Variants in PARD3B observed in about 807,000 individuals in gnomAD.
PARD3B encodes the protein par-3 family cell polarity regulator beta, also known as partitioning defective 3 homolog B.
A neutral mutation model predicts 130.2 loss-of-function variants in PARD3B; 103 were observed. The observed-to-expected ratio is 0.79, with a 90% CI of 0.67 to 0.93. The LOEUF is 0.93. PARD3B is among the 40% of genes least tolerant of loss of function. The probability of loss-of-function intolerance (pLI) is 0.00; values close to 1 mark genes in which losing one functional copy is unlikely to be tolerated. For synonymous variants in PARD3B, 583 were observed against 553.2 expected, an observed-to-expected ratio of 1.05 and a Z score of -0.76; for missense variants, 1,609 against 1,499.2, an observed-to-expected ratio of 1.07 and a Z score of -1.21.
At chr2:205,097,530 A>C (rs2125555355) in intron 4 of PARD3B, among the ~76,000 whole-genome samples, 1 of 152,262 alleles carries the variant, frequency 6.6e-6, no homozygotes, top group East Asian at 1.9e-4. Flanking sequence ...TGTACTAGCT[A>C]CTTTAAGGCA....
chr2:205,440,488 G>T lies in PARD3B; in HGVS notation c.2860G>T (p.Ala954Ser). The change falls in exon 20 of 23, where the codon GCC becomes TCC. Residue 954 changes from alanine (A) to serine (S), a missense_variant. Physicochemically the swap from Ala to Ser is moderately conservative, Grantham distance 99. Transcript: ENST00000406610. The surrounding 1 kb of genome is among the most constrained non-coding windows in gnomAD (Gnocchi z 4.2). ...MDDDEMDPNY[A>S]RVNHFREPCT... ...TGATGATGAAATGGACCCCAATTAT[G>T]CCAGAGTGAACCACTTTCGGGAACC... The T allele has an allele frequency of 1.2e-6, 2 of 1,614,066 alleles. No homozygotes were observed. Among genetic ancestry groups the T allele is most frequent in the Non-Finnish European group, 1.7e-6 (2 of 1,179,976 alleles).
At chr2:205,509,150 A>G (rs1350321150) in intron 21 of PARD3B, among the ~76,000 whole-genome samples, 1 of 152,162 alleles carries the variant, frequency 6.6e-6, no homozygotes, top group African/African-American at 2.4e-5. Context: ...GCAGTCCCCA[A>G]CATAGAAATA....
chr2:204,731,505 A>G (rs991414000), intron 2 of PARD3B, among the ~76,000 whole-genome samples: 10 of 152,168 alleles, frequency 6.6e-5, no homozygotes, highest in Non-Finnish European at 1.3e-4. Flanking sequence ...CCCAAATTGT[A>G]CTTAGCTTAT....
intron 3 of PARD3B, among the ~76,000 whole-genome samples, chr2:204,979,639 T>C (rs1485697714): frequency 1.3e-5 from 2 of 152,180 alleles, no homozygotes; most frequent in Admixed American, 6.5e-5. Context: ...TTAACAGATA[T>C]GTATAAAGGT....
At chr2:205,009,593 C>T (rs541384819) in intron 3 of PARD3B, among the ~76,000 whole-genome samples, 18 of 151,496 alleles carry the variant, frequency 1.2e-4, no homozygotes, top group Non-Finnish European at 2.1e-4. Context: ...ATGGCGTGAA[C>T]CCGGGAGGCG....
intron 19 of PARD3B, among the ~76,000 whole-genome samples, chr2:205,408,415 G>A (rs2046482604): frequency 6.6e-6 from 1 of 152,026 alleles, no homozygotes; most frequent in Admixed American, 6.6e-5. Context: ...TATGTTACTG[G>A]AAATTGAAAT....
chr2:205,245,891 T>C, intron 16 of PARD3B, 69 bp downstream of exon 16: 1 of 1,335,630 alleles, frequency 7.5e-7, no homozygotes, highest in Non-Finnish European at 1.1e-6. Flanking sequence ...TAGTAGCAGT[T>C]GGAACCTGTT....
chr2:204,583,720 G>A (rs2032693338), intron 1 of PARD3B, among the ~76,000 whole-genome samples: 1 of 151,738 alleles, frequency 6.6e-6, no homozygotes. Flanking sequence ...ATCCCCTCGG[G>A]TTATTACATA....
At chr2:204,927,839 C>T (rs945703053) in intron 2 of PARD3B, among the ~76,000 whole-genome samples, 2 of 141,878 alleles carry the variant, frequency 1.4e-5, no homozygotes, top group African/African-American at 2.5e-5. Flanking sequence ...TAGGTAGGTA[C>T]GTAGGTAGGT....
Position 204,967,021 on chromosome 2 carries a change from C to T in PARD3B, c.394+1698C>T, listed in dbSNP as rs909766580. On this transcript the variant is annotated intron_variant, in intron 3 of 22. Coordinates refer to ENST00000406610, the MANE Select transcript of PARD3B (RefSeq NM_001302769.2). The surrounding 1 kb of genome is among the most constrained non-coding windows in gnomAD (Gnocchi z 4.4). ...GAGCCAGAATTTGAACTGTTGCTGG[C>T]TGTGGTGTGAGAAACCATTTTGCTG... 1.3e-5 allele frequency among the ~76,000 whole-genome samples: 2 copies of T among 152,208 alleles called. No homozygotes were observed. The highest frequency in any genetic ancestry group is 2.9e-5 in the Non-Finnish European group (2 of 68,044).
At chr2:204,868,690 G>C (rs1004091300) in intron 2 of PARD3B, among the ~76,000 whole-genome samples, 6 of 152,032 alleles carry the variant, frequency 3.9e-5, no homozygotes, top group Non-Finnish European at 7.4e-5. Context: ...TTTTACTGTC[G>C]TTGTCATAAA....
At chr2:205,171,036 TA>T (rs771572918) in intron 11 of PARD3B, among the ~76,000 whole-genome samples, 19 of 152,168 alleles carry the variant, frequency 1.2e-4, no homozygotes, top group Non-Finnish European at 2.6e-4. Context: ...TCCTTTTCTG[TA>T]AAATGTTTCT....
intron 1 of PARD3B, among the ~76,000 whole-genome samples, chr2:204,577,040 G>A (rs1405487716): frequency 6.6e-6 from 1 of 152,054 alleles, no homozygotes; most frequent in East Asian, 1.9e-4. Flanking sequence ...TTCTTGGGGG[G>A]GGATGGGATA....
At chr2:204,714,489 A>G (rs766878701) in intron 2 of PARD3B, among the ~76,000 whole-genome samples, 1 of 152,158 alleles carries the variant, frequency 6.6e-6, no homozygotes, top group African/African-American at 2.4e-5. Flanking sequence ...CTTTGCCTAC[A>G]TTAGTTTCAG....
At position 205,461,882 on chromosome 2, in the gene PARD3B, G is replaced by A. The variant is rs770220775; in HGVS notation, c.3044+21210G>A. 6.6e-6 allele frequency among the ~76,000 whole-genome samples: 1 copy of A among 152,116 alleles called. No individual in the cohort carries two copies. Among genetic ancestry groups the A allele is most frequent in the Non-Finnish European group, 1.5e-5 (1 of 68,026 alleles). On this transcript the variant is annotated intron_variant, in intron 20 of 22. Coordinates refer to ENST00000406610, the MANE Select transcript of PARD3B (RefSeq NM_001302769.2). This position sits in a 1 kb window ranked among gnomAD's most constrained non-coding sequence, Gnocchi z 4.3. ...TTCAGCAGTTTAATAGTCATCATCA[G>A]TTCCTTAACTGAAAGAGAAATGCTC... is the stretch of plus-strand genomic sequence containing the variant.
At chr2:205,367,520 C>T (rs1990667) in intron 18 of PARD3B, among the ~76,000 whole-genome samples, 133,199 of 152,218 alleles carry the variant, frequency 0.88, 58,447 homozygotes, top group Admixed American at 0.93. Context: ...ACACTAGGGA[C>T]TCCCATCTGT....
At chr2:205,081,210 A>T (rs1200838411) in intron 4 of PARD3B, among the ~76,000 whole-genome samples, 2 of 151,978 alleles carry the variant, frequency 1.3e-5, no homozygotes, top group Non-Finnish European at 2.9e-5. Context: ...TCATAAGCAT[A>T]TTCTTTCCTA....
chr2:205,272,539 A>T (rs900349246), intron 16 of PARD3B, among the ~76,000 whole-genome samples: 51 of 152,148 alleles, frequency 3.4e-4, no homozygotes, highest in African/African-American at 1.1e-3. Context: ...GGCTTAACTA[A>T]AAAAAGGGTT....
chr2:205,440,407 G>T lies in PARD3B; in HGVS notation c.2779G>T (p.Ala927Ser). The T allele has an allele frequency of 6.2e-7, 1 of 1,614,080 alleles. No individual in the cohort carries two copies. The highest frequency in any genetic ancestry group is 8.5e-7 in the Non-Finnish European group (1 of 1,179,960). Residue 927 changes from alanine to serine, a missense_variant, in exon 20 of 23, where the codon GCA becomes TCA. Transcript: ENST00000406610. This position sits in a 1 kb window ranked among gnomAD's most constrained non-coding sequence, Gnocchi z 4.2. Reference sequence around the variant, plus strand: ...ACATCAGGAGCTAAGGGAAAAGCAGGCAAGAGGTCTTCTTGATTATGCTAC... The same window carrying T: ...ACATCAGGAGCTAAGGGAAAAGCAGTCAAGAGGTCTTCTTGATTATGCTAC... ...AKHQELREKQ[A>S]RGLLDYATGA...
Sources: allele counts gnomAD v4.1 joint callset (sites outside exome capture counted in the v4.1 genomes callset), GRCh38; gene constraint gnomAD v4.1.1; non-coding constraint Gnocchi (gnomAD v3.1); transcripts MANE v1.5; gene names NCBI Gene and HGNC (gene_info 2026-07-23, HGNC 2026-07-21).